MPP7: variants seen among roughly 807,000 people sequenced by gnomAD.
The protein encoded by MPP7 is MAGUK p55 subfamily member 7.
In MPP7, 60 loss-of-function variants were observed where a neutral mutation model predicts 76.5. The ratio of observed to expected loss-of-function variants is 0.78; its 90% confidence interval spans 0.64 to 0.97. The LOEUF is 0.97. Ranked by LOEUF, MPP7 falls within the 50% of genes least tolerant of loss-of-function variation. The pLI is 0.00. For synonymous variants in MPP7, 237 were observed against 244.5 expected (o/e 0.97, Z 0.29); for missense variants, 641 against 694.0 (o/e 0.92, Z 0.86).
intron 2 of MPP7, among the ~76,000 whole-genome samples, chr10:28,308,779 A>G (rs181305309): frequency 2.1e-4 from 32 of 149,188 alleles, no homozygotes; most frequent in African/African-American, 7.8e-4. Flanking sequence ...CCCTGTCTCA[A>G]AAAAAAAAAG....
At chr10:28,055,201 G>A (rs1281618728) in intron 16 of MPP7, among the ~76,000 whole-genome samples, 1 of 152,132 alleles carries the variant, frequency 6.6e-6, no homozygotes, top group Non-Finnish European at 1.5e-5. Flanking sequence ...ATTTGAGTCT[G>A]CATTTCATTG....
intron 1 of MPP7, among the ~76,000 whole-genome samples, chr10:28,266,690 C>A (rs1286277691): frequency 6.6e-6 from 1 of 152,186 alleles, no homozygotes. Context: ...TTTCTTAAAA[C>A]CTTGCTCTTT....
intron 2 of MPP7, among the ~76,000 whole-genome samples, chr10:28,318,372 A>C (rs544086003): frequency 1.1e-4 from 17 of 152,270 alleles, no homozygotes; most frequent in Admixed American, 2.6e-4. Flanking sequence ...ATAACACAGC[A>C]CAGTCAAGCT....
At chr10:28,253,911 A>T (rs1475978298) in intron 1 of MPP7, among the ~76,000 whole-genome samples, 2 of 147,932 alleles carry the variant, frequency 1.4e-5, no homozygotes, top group Non-Finnish European at 3.0e-5. Flanking sequence ...CAGGAGAATC[A>T]CTTGAACCTG....
chr10:28,107,919 A>G (rs1481550569), intron 11 of MPP7, among the ~76,000 whole-genome samples: 1 of 152,222 alleles, frequency 6.6e-6, no homozygotes, highest in Non-Finnish European at 1.5e-5. Context: ...GGCACACTGT[A>G]TTATTCTGAA....
chr10:28,126,104 T>C (rs1020491460), intron 6 of MPP7, among the ~76,000 whole-genome samples: 1 of 152,212 alleles, frequency 6.6e-6, no homozygotes, highest in Non-Finnish European at 1.5e-5. Flanking sequence ...CTGTAATAAG[T>C]ATCCTTTATC....
At chr10:28,129,998 T>C (rs557280383) in intron 6 of MPP7, among the ~76,000 whole-genome samples, 93 of 152,264 alleles carry the variant, frequency 6.1e-4, no homozygotes, top group African/African-American at 2.2e-3. Flanking sequence ...TAATTACCCT[T>C]TTTCCTATCC....
chr10:28,172,931 G>A (rs980659520), intron 3 of MPP7, among the ~76,000 whole-genome samples: 17 of 151,998 alleles, frequency 1.1e-4, no homozygotes, highest in African/African-American at 2.9e-4. Context: ...TACTATGGCC[G>A]GACTGTTCCA....
intron 11 of MPP7, among the ~76,000 whole-genome samples, chr10:28,099,744 T>G (rs1337620829): frequency 6.6e-6 from 1 of 151,916 alleles, no homozygotes; most frequent in Non-Finnish European, 1.5e-5. Context: ...GAGGCAGAGG[T>G]TGTGGTGAGC....
intron 11 of MPP7, among the ~76,000 whole-genome samples, chr10:28,108,294 C>G (rs993636020): frequency 6.6e-6 from 1 of 152,062 alleles, no homozygotes; most frequent in South Asian, 2.1e-4. Flanking sequence ...TCTTCAATAA[C>G]CAGGAGATAT....
chr10:28,111,240 C>T (rs1036148173), intron 11 of MPP7, among the ~76,000 whole-genome samples: 3 of 152,050 alleles, frequency 2.0e-5, no homozygotes, highest in Non-Finnish European at 4.4e-5. Context: ...CAACTGTTTC[C>T]TCATCTTAGC....
At chr10:28,254,105 T>C (rs1173497880) in intron 1 of MPP7, among the ~76,000 whole-genome samples, 1 of 149,104 alleles carries the variant, frequency 6.7e-6, no homozygotes, top group Non-Finnish European at 1.5e-5. Flanking sequence ...ATTAACAAAA[T>C]GGGACAATGT....
chr10:28,315,168 G>A (rs1356094399), intron 2 of MPP7, among the ~76,000 whole-genome samples: 4 of 144,138 alleles, frequency 2.8e-5, no homozygotes, highest in African/African-American at 1.0e-4. Context: ...GAAAGAGAGA[G>A]AGAGAAAAAC....
At chr10:28,089,030 C>G (rs1474337307) in intron 12 of MPP7, among the ~76,000 whole-genome samples, 1 of 152,132 alleles carries the variant, frequency 6.6e-6, no homozygotes, top group African/African-American at 2.4e-5. Flanking sequence ...ACTGTGCTAC[C>G]ACGCCTGGCT....
intron 1 of MPP7, among the ~76,000 whole-genome samples, chr10:28,283,694 T>C (rs1427114596): frequency 6.6e-6 from 1 of 151,972 alleles, no homozygotes; most frequent in Non-Finnish European, 1.5e-5. Flanking sequence ...TTTGTATTTT[T>C]AGTAGAGACG....
At chr10:28,308,501 C>T (rs577296135) in intron 2 of MPP7, among the ~76,000 whole-genome samples, 1 of 152,358 alleles carries the variant, frequency 6.6e-6, no homozygotes, top group East Asian at 1.9e-4. Context: ...CTGAACTCCA[C>T]TTCCTCTGCC....
intron 13 of MPP7, among the ~76,000 whole-genome samples, chr10:28,062,220 G>C (rs1451977869): frequency 6.6e-6 from 1 of 152,046 alleles, no homozygotes; most frequent in Non-Finnish European, 1.5e-5. Flanking sequence ...AAAACAAAAA[G>C]ATTAGGCTGG....
At chr10:28,061,818 G>T (rs1851797468) in intron 13 of MPP7, among the ~76,000 whole-genome samples, 1 of 144,246 alleles carries the variant, frequency 6.9e-6, no homozygotes, top group Admixed American at 7.2e-5. Context: ...ACACATAAGT[G>T]AATAATGATT....
intron 1 of MPP7, among the ~76,000 whole-genome samples, chr10:28,240,953 ATG>A (rs1158493974): frequency 6.6e-6 from 1 of 152,096 alleles, no homozygotes; most frequent in East Asian, 1.9e-4. Flanking sequence ...TATTTATTAT[ATG>A]TGTGTGTATA....
Sources: gnomAD v4.1 joint callset for allele counts (sites outside exome capture counted in the v4.1 genomes callset) on GRCh38, gnomAD v4.1.1 for gene constraint, MANE v1.5 for transcripts, NCBI Gene and HGNC (gene_info 2026-07-23, HGNC 2026-07-21) for gene names.